Variants in USP3 observed in about 807,000 individuals in gnomAD.
The protein encoded by USP3 is ubiquitin specific peptidase 3.
USP3 carries 20 observed loss-of-function variants against 72.3 expected under a neutral mutation model. The observed-to-expected ratio is 0.28, with a 90% confidence interval of 0.19 to 0.40. The LOEUF is 0.40. USP3 is among the 10% of genes least tolerant of loss of function. The pLI, the probability that USP3 is intolerant of heterozygous loss-of-function variation, is 1.00. For synonymous variants in USP3, 222 were observed against 225.3 expected (o/e 0.99, Z 0.13); for missense variants, 479 against 633.9 (o/e 0.76, Z 2.62).
chr15:63,588,905 G>T lies in USP3; in HGVS notation c.1330-39G>T. On this transcript the variant is annotated intron_variant, in intron 13 of 14. Coordinates refer to ENST00000380324, the MANE Select transcript of USP3 (RefSeq NM_006537.4). This position sits in a 1 kb window ranked among gnomAD's most constrained non-coding sequence, Gnocchi z 4.6. ...AGAGGGTAGAGGTCATCGAGATACTGATGTCATTGACCACTGCTCCTTCTT... is the reference window on the plus strand; with the variant it reads ...AGAGGGTAGAGGTCATCGAGATACTTATGTCATTGACCACTGCTCCTTCTT... 6.2e-7 allele frequency: 1 copy of T among 1,612,972 alleles called. No homozygotes were observed. The highest frequency in any genetic ancestry group is 1.7e-4 in the Middle Eastern group (1 of 6,058).
intron 1 of USP3, among the ~76,000 whole-genome samples, chr15:63,509,926 T>C (rs1344904725): frequency 2.0e-5 from 3 of 152,210 alleles, no homozygotes; most frequent in Admixed American, 6.5e-5. Flanking sequence ...ATATGCTTAA[T>C]AGTGTATACA....
In USP3 at chr15:63,593,582, T is replaced by C. The variant is rs2067242340; in HGVS notation, c.*2756T>C. The C allele has an allele frequency of 6.6e-6, 1 of 152,256 alleles. No individual in the cohort carries two copies. Among genetic ancestry groups the C allele is most frequent in the Non-Finnish European group, 1.5e-5 (1 of 68,040 alleles). 9.4% of individuals were successfully genotyped at this position (152,256 alleles called of 1,614,324 possible). Reference sequence around the variant, plus strand: ...TGGCTTAAGAGATGAACACGTCTTCTCTCTGAATTTGTTTTTATTGGTTGG... The same window carrying C: ...TGGCTTAAGAGATGAACACGTCTTCCCTCTGAATTTGTTTTTATTGGTTGG... On this transcript the variant is annotated 3_prime_UTR_variant, in exon 15 of 15. Transcript: ENST00000380324.
intron 1 of USP3, among the ~76,000 whole-genome samples, chr15:63,512,042 C>T (rs115975744): frequency 0.011 from 1,659 of 150,660 alleles, 30 homozygotes; most frequent in African/African-American, 0.039. Flanking sequence ...CTGCAACCTC[C>T]GCCTCTCGGG....
intron 1 of USP3, among the ~76,000 whole-genome samples, chr15:63,512,181 C>T (rs2065792509): frequency 6.6e-6 from 1 of 151,940 alleles, no homozygotes; most frequent in African/African-American, 2.4e-5. Flanking sequence ...CGTGATCCTC[C>T]TGCCTTGGCC....
intron 7 of USP3, 62 bp downstream of exon 7, chr15:63,560,032 G>T (rs1220404683): frequency 6.9e-7 from 1 of 1,440,058 alleles, no homozygotes; most frequent in Admixed American, 2.1e-5. Flanking sequence ...TTTCACTGGT[G>T]GTTTCCATTG....
At chr15:63,535,579 A>G (rs144636707) in intron 2 of USP3, among the ~76,000 whole-genome samples, 61 of 152,304 alleles carry the variant, frequency 4.0e-4, no homozygotes, top group Non-Finnish European at 8.1e-4. Context: ...TATCCTCTTA[A>G]TCATTATTTG....
At position 63,587,368 on chromosome 15, in the gene USP3, T is replaced by A. The variant is rs1432118029; in HGVS notation, c.1097-937T>A. Among the ~76,000 whole-genome samples, 4 of 151,786 alleles carry A rather than the reference T, an allele frequency of 2.6e-5. No homozygotes were observed. The East Asian group carries it at 8.0e-4, about 31-fold the overall frequency. ...CGTGTATTTTATATAGATTTATGAA[T>A]ATCTGATTGCATCAGGAATTGGCAC... On this transcript the variant is annotated intron_variant, in intron 11 of 14. Transcript: ENST00000380324.
At position 63,594,305 on chromosome 15, in the gene USP3, G is replaced by C. The variant is rs2067254426; in HGVS notation, c.*3479G>C. The C allele has an allele frequency of 6.6e-6, 1 of 152,206 alleles. No individual in the cohort carries two copies. The highest frequency in any genetic ancestry group is 6.5e-5 in the Admixed American group (1 of 15,272). 9.4% of individuals were successfully genotyped at this position (152,206 alleles called of 1,614,324 possible). Reference sequence around the variant, plus strand: ...GGAAAAAGTCTGTTCCTGCAGCCAAGGCCTGGGTCCCAGGTGACTAGGAGT... The same window carrying C: ...GGAAAAAGTCTGTTCCTGCAGCCAACGCCTGGGTCCCAGGTGACTAGGAGT... On this transcript the variant is annotated 3_prime_UTR_variant, in exon 15 of 15. Coordinates refer to ENST00000380324, the MANE Select transcript of USP3 (RefSeq NM_006537.4).
At chr15:63,569,435 A>T (rs2066745079) in intron 8 of USP3, among the ~76,000 whole-genome samples, 1 of 152,166 alleles carries the variant, frequency 6.6e-6, no homozygotes, top group Non-Finnish European at 1.5e-5. Context: ...AATTTCCAGG[A>T]AAAGGGGAAA....
intron 3 of USP3, chr15:63,541,996 GTTTC>G: frequency 1.0e-6 from 1 of 954,350 alleles, no homozygotes; most frequent in Non-Finnish European, 1.2e-6. Context: ...TAAAGGACTT[GTTTC>G]TTTACTGTTG....
intron 1 of USP3, among the ~76,000 whole-genome samples, chr15:63,531,750 A>G (rs143775720): frequency 8.5e-5 from 13 of 152,256 alleles, no homozygotes; most frequent in Non-Finnish European, 1.2e-4. Context: ...GGTGGTTACT[A>G]TGATCCTGTG....
intron 1 of USP3, among the ~76,000 whole-genome samples, chr15:63,506,460 A>C (rs1366167767): frequency 6.6e-6 from 1 of 152,234 alleles, no homozygotes; most frequent in Non-Finnish European, 1.5e-5. Context: ...TAAACTACAG[A>C]AAGACAACAT....
intron 2 of USP3, chr15:63,533,917 A>C: frequency 8.8e-7 from 1 of 1,135,182 alleles, no homozygotes; most frequent in Non-Finnish European, 1.1e-6. Flanking sequence ...AGATTTTGAG[A>C]GGTGAGAATT....
At chr15:63,565,188 C>T (rs936665496) in intron 8 of USP3, among the ~76,000 whole-genome samples, 3 of 152,116 alleles carry the variant, frequency 2.0e-5, no homozygotes, top group Admixed American at 6.6e-5. Flanking sequence ...AAACATCTTT[C>T]ATCTATTAAA....
chr15:63,540,372 G>A (rs1190606098), intron 3 of USP3, among the ~76,000 whole-genome samples: 1 of 152,204 alleles, frequency 6.6e-6, no homozygotes, highest in African/African-American at 2.4e-5. Context: ...ATTTGTAAAT[G>A]TCCTTGGAGA....
rs1409650669 is a variant in USP3, at chr15:63,544,590, G to A, written c.284+7434G>A. On this transcript the variant is annotated intron_variant, in intron 3 of 14. Transcript: ENST00000380324. The surrounding 1 kb of genome is among the most constrained non-coding windows in gnomAD (Gnocchi z 4.2). ...GAAGTAAACCTACATTAAATTTTAGGACAAGAAAACGATTGAGCCATGCTG... is the reference window on the plus strand; with the variant it reads ...GAAGTAAACCTACATTAAATTTTAGAACAAGAAAACGATTGAGCCATGCTG... 4.8e-6 allele frequency: 3 copies of A among 628,300 alleles called. No homozygotes were observed. Among genetic ancestry groups the A allele is most frequent in the African/African-American group, 3.7e-5 (2 of 54,430 alleles). The allele number at this position is 628,300 out of a possible 1,614,324, so 38.9% of individuals were successfully genotyped here. A position where few individuals can be genotyped will look rare whatever the true frequency, so the allele number is the denominator to read the frequency against.
In USP3 at chr15:63,578,632, GA is replaced by G. The variant is rs1016704854; in HGVS notation, c.1096+4239del. On this transcript the variant is annotated intron_variant, in intron 11 of 14. Coordinates refer to ENST00000380324, the MANE Select transcript of USP3 (RefSeq NM_006537.4). ...GTCTCAGAAAAAAAAAAAAAAAGAA[GA>G]AAAAAAAAAGAAATGTTAACTTGAT... 8.6e-5 allele frequency among the ~76,000 whole-genome samples: 12 copies of G among 138,864 alleles called. No homozygotes were observed. In the South Asian group the frequency reaches 9.2e-4, roughly 11 times the overall value. The allele number at this position is 138,864 out of a possible 152,430, so 91.1% of individuals were successfully genotyped here. A position where few individuals can be genotyped will look rare whatever the true frequency, so the allele number is the denominator to read the frequency against.
At chr15:63,589,040 T>TGGGAATACCTGGTGGCC in intron 14 of USP3, 29 bp downstream of exon 14, 1 of 1,611,840 alleles carries the variant, frequency 6.2e-7, no homozygotes, top group East Asian at 2.2e-5. Flanking sequence ...TTCTGGTGGG[T>TGGGAATACCTGGTGGCC]GGGAATACCT....
chr15:63,524,422 T>G (rs1276463138), intron 1 of USP3, among the ~76,000 whole-genome samples: 1 of 152,218 alleles, frequency 6.6e-6, no homozygotes, highest in East Asian at 1.9e-4. Flanking sequence ...GGTGGTCTGG[T>G]TATCTGTTGC....
Sources: gnomAD v4.1 joint callset for allele counts (sites outside exome capture counted in the v4.1 genomes callset) on GRCh38, gnomAD v4.1.1 for gene constraint, Gnocchi (gnomAD v3.1) non-coding constraint, MANE v1.5 for transcripts, NCBI Gene and HGNC (gene_info 2026-07-23, HGNC 2026-07-21) for gene names.